Variants in GPR137C observed in about 807,000 individuals in gnomAD.
GPR137C encodes the protein G protein-coupled receptor 137C.
A neutral mutation model predicts 43.4 loss-of-function variants in GPR137C; 27 were observed. That is an observed-to-expected ratio of 0.62 (90% confidence interval 0.46 to 0.86). GPR137C has a LOEUF of 0.86. GPR137C is among the 40% of genes least tolerant of loss of function. GPR137C has a pLI of 0.00. For missense variants in GPR137C, 522 were observed against 534.6 expected (o/e 0.98, Z 0.23); for synonymous variants, 285 against 226.9 (o/e 1.26, Z -2.30).
intron 3 of GPR137C, among the ~76,000 whole-genome samples, chr14:52,602,733 G>A (rs79807169): frequency 0.054 from 8,261 of 151,896 alleles, 257 homozygotes; most frequent in Middle Eastern, 0.075. Flanking sequence ...CTCACTATCT[G>A]AATTATCTTA....
chr14:52,598,902 T>C (rs2038889835), intron 2 of GPR137C, among the ~76,000 whole-genome samples: 1 of 152,236 alleles, frequency 6.6e-6, no homozygotes, highest in African/African-American at 2.4e-5. Flanking sequence ...AACTTCAAAA[T>C]ACAACCTTTT....
At chr14:52,612,309 C>A in intron 3 of GPR137C, 1 of 899,242 alleles carries the variant, frequency 1.1e-6, no homozygotes, top group Non-Finnish European at 1.3e-6. Context: ...TTTTCTCATG[C>A]TATTAAAAAT....
At chr14:52,605,967 C>T (rs1217273531) in intron 3 of GPR137C, among the ~76,000 whole-genome samples, 3 of 152,120 alleles carry the variant, frequency 2.0e-5, no homozygotes, top group Non-Finnish European at 4.4e-5. Context: ...AGGATGTTTG[C>T]ATCTATTTTC....
intron 1 of GPR137C, among the ~76,000 whole-genome samples, chr14:52,567,212 C>T (rs1198436153): frequency 6.6e-6 from 1 of 152,112 alleles, no homozygotes; most frequent in African/African-American, 2.4e-5. Flanking sequence ...ACCTTAAGTG[C>T]GTAACTTCTC....
intron 1 of GPR137C, among the ~76,000 whole-genome samples, chr14:52,592,899 G>T (rs1477185022): frequency 1.3e-5 from 2 of 152,270 alleles, no homozygotes; most frequent in South Asian, 4.1e-4. Flanking sequence ...GAGCATCCTT[G>T]TCTTGTACCG....
intron 1 of GPR137C, chr14:52,596,984 T>C (rs2038864346): frequency 2.2e-6 from 1 of 454,904 alleles, no homozygotes; most frequent in Non-Finnish European, 4.4e-6. Flanking sequence ...CTCCAAATGG[T>C]GCGTTTGTAA....
chr14:52,600,635 C>CTT (rs774162941), intron 3 of GPR137C, among the ~76,000 whole-genome samples: 1 of 152,012 alleles, frequency 6.6e-6, no homozygotes, highest in African/African-American at 2.4e-5. Context: ...GACAGTTACA[C>CTT]TTTGAGCGTG....
At chr14:52,613,591 G>A (rs1311989006) in intron 3 of GPR137C, 1 of 180,724 alleles carries the variant, frequency 5.5e-6, no homozygotes, top group Non-Finnish European at 1.2e-5. Context: ...CAACAAATAA[G>A]TGAGAACATG....
In GPR137C at chr14:52,564,270, G is replaced by T. The variant is rs1386687789; in HGVS notation, c.444+10679G>T. On this transcript the variant is annotated intron_variant, in intron 1 of 6. Transcript: ENST00000321662. ...ACCCTGGGCAACAGAGTGAGACTTCGTCTCAAAAAAAAAAAAAAAAAAGCC... is the reference window on the plus strand; with the variant it reads ...ACCCTGGGCAACAGAGTGAGACTTCTTCTCAAAAAAAAAAAAAAAAAAGCC... 6.2e-3 allele frequency among the ~76,000 whole-genome samples: 534 copies of T among 86,076 alleles called. 3 individuals are homozygous for T. Among genetic ancestry groups the T allele is most frequent in the African/African-American group, 0.032 (509 of 15,668 alleles). 56.5% of individuals were successfully genotyped at this position (86,076 alleles called of 152,430 possible). A position where few individuals can be genotyped will look rare whatever the true frequency, so the allele number is the denominator to read the frequency against.
At chr14:52,616,040 A>G (rs1449729335) in intron 3 of GPR137C, among the ~76,000 whole-genome samples, 1 of 152,186 alleles carries the variant, frequency 6.6e-6, no homozygotes. Flanking sequence ...TTTGTAAACT[A>G]ATACAGGTAT....
chr14:52,561,359 G>T (rs1034009640), intron 1 of GPR137C, among the ~76,000 whole-genome samples: 10 of 152,184 alleles, frequency 6.6e-5, no homozygotes, highest in African/African-American at 2.4e-4. Flanking sequence ...TATGGTCCCA[G>T]CTACTCAGGA....
chr14:52,602,387 C>A (rs1484712027), intron 3 of GPR137C, among the ~76,000 whole-genome samples: 1 of 151,834 alleles, frequency 6.6e-6, no homozygotes, highest in Non-Finnish European at 1.5e-5. Flanking sequence ...GACCCTGTTT[C>A]TTGTCTTTAA....
At chr14:52,630,456 C>CAACT (rs1230441924) in intron 3 of GPR137C, among the ~76,000 whole-genome samples, 1 of 151,214 alleles carries the variant, frequency 6.6e-6, no homozygotes, top group African/African-American at 2.4e-5. Flanking sequence ...CTTTTATTAA[C>CAACT]TTTTTTTGGA....
chr14:52,626,813 A>G (rs2039233016), intron 3 of GPR137C, among the ~76,000 whole-genome samples: 2 of 152,306 alleles, frequency 1.3e-5, no homozygotes, highest in African/African-American at 4.8e-5. Flanking sequence ...TTTATATATA[A>G]CAGGAATAAT....
chr14:52,563,686 C>G (rs764282705), intron 1 of GPR137C, among the ~76,000 whole-genome samples: 18 of 152,242 alleles, frequency 1.2e-4, no homozygotes, highest in Non-Finnish European at 1.8e-4. Context: ...CTTTTGTTCC[C>G]CATTTCCGTG....
intron 3 of GPR137C, among the ~76,000 whole-genome samples, chr14:52,631,909 T>C (rs1039206000): frequency 2.0e-5 from 3 of 151,404 alleles, no homozygotes; most frequent in African/African-American, 7.3e-5. Context: ...CAAGGCAACC[T>C]TGGCAGAACA....
chr14:52,610,952 A>G (rs527484203), intron 3 of GPR137C, among the ~76,000 whole-genome samples: 2 of 152,276 alleles, frequency 1.3e-5, no homozygotes, highest in South Asian at 4.1e-4. Context: ...GTGTATTTTT[A>G]TATAGGTTTT....
chr14:52,614,934 C>T lies in GPR137C; in HGVS notation c.717+14593C>T, dbSNP rs1181725732. 2.0e-5 allele frequency among the ~76,000 whole-genome samples: 3 copies of T among 152,194 alleles called. No individual in the cohort carries two copies. The East Asian group carries it at 5.8e-4, about 29-fold the overall frequency. ...TGTCTCTTCACTTTCTTAACTGTTT[C>T]CTTTGCTGCACAGAAGCTTTTTAAC... On this transcript the variant is annotated intron_variant, in intron 3 of 6. Transcript: ENST00000321662.
At chr14:52,580,452 T>C (rs1401247950) in intron 1 of GPR137C, among the ~76,000 whole-genome samples, 1 of 152,118 alleles carries the variant, frequency 6.6e-6, no homozygotes, top group African/African-American at 2.4e-5. Flanking sequence ...AATCTTCGCC[T>C]CTGGGCCCAA....
Sources: allele counts gnomAD v4.1 joint callset (sites outside exome capture counted in the v4.1 genomes callset), GRCh38; gene constraint gnomAD v4.1.1; transcripts MANE v1.5; gene names NCBI Gene and HGNC (gene_info 2026-07-23, HGNC 2026-07-21).